RAD51AP2: variants seen among roughly 807,000 people sequenced by gnomAD.
RAD51AP2 encodes the protein RAD51-associated protein 2.
In RAD51AP2, 67 loss-of-function variants were observed where a neutral mutation model predicts 85.5. The observed-to-expected ratio is 0.78, with a 90% confidence interval of 0.64 to 0.96. The LOEUF (loss-of-function observed/expected upper bound fraction) is 0.96. Ranked by LOEUF, RAD51AP2 falls within the 40% of genes least tolerant of loss-of-function variation. The probability of loss-of-function intolerance (pLI) is 0.00; values close to 1 mark genes in which losing one functional copy is unlikely to be tolerated. For missense variants in RAD51AP2, 1,307 were observed against 1,332.4 expected, an observed-to-expected ratio of 0.98 and a Z score of 0.30; for synonymous variants, 474 against 446.5, an observed-to-expected ratio of 1.06 and a Z score of -0.78.
rs759608648 is a variant in RAD51AP2, at chr2:17,516,361, A to T, written c.2055T>A (p.Tyr685Ter). 8 of 1,611,862 alleles carry T rather than the reference A, an allele frequency of 5.0e-6. No homozygotes were observed. The highest frequency in any genetic ancestry group is 6.8e-6 in the Non-Finnish European group (8 of 1,179,258). The change falls in exon 1 of 3, where the codon TAT becomes TAA. Residue 685 changes from tyrosine (Y) to a stop codon, truncating the protein, a stop_gained. Coordinates refer to ENST00000399080, the MANE Select transcript of RAD51AP2 (RefSeq NM_001099218.3). LOFTEE classifies it high-confidence loss of function. ...AGTCCATTAAAAGGGGAATTTTTTC[A>T]TATGTTTCAAAAATCGGAAAACCTG... ...QNTGFPIFET[Y>*]EKIPLLMDFD...
rs1157539566 is a variant in RAD51AP2, at chr2:17,515,892, C to G, written c.2524G>C (p.Glu842Gln). ...ACTTGGCAACTATTTGTTAAACTTT[C>G]AGCTGTGACTTTTACTTCCTCTTTC... is the stretch of plus-strand genomic sequence containing the variant. ...ILKEEVKVTA[E>Q]SLTNSCQVHK... Residue 842 changes from glutamate to glutamine, a missense_variant, in exon 1 of 3, where the codon GAA becomes CAA. Coordinates refer to ENST00000399080, the MANE Select transcript of RAD51AP2 (RefSeq NM_001099218.3). 6.2e-7 allele frequency: 1 copy of G among 1,605,328 alleles called. No individual in the cohort carries two copies. The highest frequency in any genetic ancestry group is 2.2e-5 in the East Asian group (1 of 44,826).
the RAD51AP2 span, among the ~76,000 whole-genome samples, chr2:17,529,157 TCTTATATATTAAGAAATATA>T: frequency 6.6e-6 from 1 of 151,852 alleles, no homozygotes; most frequent in Non-Finnish European, 1.5e-5. Context: ...TTATAAAATA[TCTTATATATTAAGAAATATA>T]ATCACTTGTT....
the RAD51AP2 span, among the ~76,000 whole-genome samples, chr2:17,532,325 T>C: frequency 6.6e-6 from 1 of 152,310 alleles, no homozygotes; most frequent in South Asian, 2.1e-4. Flanking sequence ...ATGCCACTTC[T>C]AGCTTCTTGT....
In RAD51AP2 at chr2:17,514,058, A is replaced by C; in HGVS notation, c.3282T>G (p.Phe1094Leu). The change falls in exon 2 of 3, where the codon TTT becomes TTG. Residue 1094 changes from phenylalanine (F) to leucine (L), a missense_variant. Physicochemically the swap from Phe to Leu is conservative, Grantham distance 22. Coordinates refer to ENST00000399080, the MANE Select transcript of RAD51AP2 (RefSeq NM_001099218.3). Reference sequence around the variant, plus strand: ...ATTCTTCTTTACATTCATCAGGGAGAAAAGCAGGTCTTTTAGGTAAAGGTG... The same window carrying C: ...ATTCTTCTTTACATTCATCAGGGAGCAAAGCAGGTCTTTTAGGTAAAGGTG... ...CETPLPKRPA[F>L]LPDECKEEFN... 1.3e-6 allele frequency: 2 copies of C among 1,589,152 alleles called. No homozygotes were observed. Among genetic ancestry groups the C allele is most frequent in the Non-Finnish European group, 1.7e-6 (2 of 1,158,876 alleles).
upstream of RAD51AP2, among the ~76,000 whole-genome samples, chr2:17,522,929 T>C (rs1662887766): frequency 6.6e-6 from 1 of 152,006 alleles, no homozygotes; most frequent in Non-Finnish European, 1.5e-5. Context: ...AAAAATACAT[T>C]TAACATGAAA....
chr2:17,517,591 T>C lies in RAD51AP2; in HGVS notation c.825A>G (p.Leu275=). 1 of 1,613,950 alleles carries C rather than the reference T, an allele frequency of 6.2e-7. No homozygotes were observed. ...DLNSKMSSVY[L]KEIAKKKNDK... is the part of the protein sequence containing the mutation. ...CATTCTTTTTCTTCGCTATTTCCTTTAAATAGACAGAGGACATTTTGCTAT... is the reference window on the plus strand; with the variant it reads ...CATTCTTTTTCTTCGCTATTTCCTTCAAATAGACAGAGGACATTTTGCTAT... The change falls in exon 1 of 3, where the codon TTA becomes TTG. Residue 275 remains leucine (L), a synonymous_variant. Coordinates refer to ENST00000399080, the MANE Select transcript of RAD51AP2 (RefSeq NM_001099218.3).
At chr2:17,522,300 A>C (rs1299315511), upstream of RAD51AP2, among the ~76,000 whole-genome samples, 1 of 152,042 alleles carries the variant, frequency 6.6e-6, no homozygotes, top group Non-Finnish European at 1.5e-5. Flanking sequence ...CCTTAAATGT[A>C]TAAAGCCCTT....
At chr2:17,511,856 T>A (rs62130395) in intron 2 of RAD51AP2, among the ~76,000 whole-genome samples, 3,684 of 152,128 alleles carry the variant, frequency 0.024, 45 homozygotes, top group Middle Eastern at 0.054. Context: ...ACAAAATAGA[T>A]AAAATCAGTT....
the RAD51AP2 span, among the ~76,000 whole-genome samples, chr2:17,527,514 G>A: frequency 6.6e-6 from 1 of 152,154 alleles, no homozygotes; most frequent in African/African-American, 2.4e-5. Context: ...AGGAGAAATT[G>A]GTCTAGTTTA....
chr2:17,518,956 G>C (rs988332207), upstream of RAD51AP2, among the ~76,000 whole-genome samples: 1 of 152,024 alleles, frequency 6.6e-6, no homozygotes, highest in Non-Finnish European at 1.5e-5. Context: ...AATCCTTCCA[G>C]CGTCACTTAA....
rs1662760711 is a variant in RAD51AP2 at position 17,518,348 on chromosome 2, G to T, written c.68C>A (p.Pro23His). The change falls in exon 1 of 3, where the codon CCT becomes CAT. Residue 23 changes from proline to histidine, a missense_variant. Physicochemically the swap from Pro to His is moderately conservative, Grantham distance 77. Around this residue, in one of 3 missense-constraint regions of RAD51AP2, gnomAD observed 635 missense variants for 643.6 expected, o/e 0.99. Transcript: ENST00000399080. ...LRKPTSSLTP[P>H]EDPDSQPPSS... is the part of the protein sequence containing the mutation. ...AGGTGGTTGGGAATCCGGGTCCTCA[G>T]GAGGCGTTAAAGAGGAGGTAGGCTT... 9 of 1,613,928 alleles carry T rather than the reference G, an allele frequency of 5.6e-6. No individual in the cohort carries two copies. The East Asian group carries it at 2.0e-4, about 36-fold the overall frequency.
chr2:17,517,552 T>A lies in RAD51AP2; in HGVS notation c.864A>T (p.Ala288=). 6.2e-7 allele frequency: 1 copy of A among 1,613,756 alleles called. No individual in the cohort carries two copies. The highest frequency in any genetic ancestry group is 8.5e-7 in the Non-Finnish European group (1 of 1,179,926). Residue 288 remains alanine (A), a synonymous_variant, in exon 1 of 3, where the codon GCA becomes GCT. Coordinates refer to ENST00000399080, the MANE Select transcript of RAD51AP2 (RefSeq NM_001099218.3). ...AAATGTTTGTGAAATCCCTAACATA[T>A]GCCTCTTTTTTGTCATTCTTTTTCT... The part of the protein sequence containing the change: ...IAKKKNDKKE[A]YVRDFTNIYW...
chr2:17,532,269 A>G, the RAD51AP2 span, among the ~76,000 whole-genome samples: 1 of 152,110 alleles, frequency 6.6e-6, no homozygotes, highest in Non-Finnish European at 1.5e-5. Flanking sequence ...AAATCAAAGT[A>G]TCATCAGGAG....
the RAD51AP2 span, among the ~76,000 whole-genome samples, chr2:17,532,605 T>G: frequency 6.6e-6 from 1 of 152,180 alleles, no homozygotes; most frequent in Admixed American, 6.5e-5. Context: ...AACCTGTTTC[T>G]TTAGACCCTT....
the RAD51AP2 span, among the ~76,000 whole-genome samples, chr2:17,537,423 C>G: frequency 2.6e-5 from 4 of 152,184 alleles, no homozygotes; most frequent in African/African-American, 9.7e-5. Context: ...TAAAGGTATG[C>G]TATCCATAGA....
upstream of RAD51AP2, among the ~76,000 whole-genome samples, chr2:17,523,097 C>T (rs1662891640): frequency 6.6e-6 from 1 of 151,798 alleles, no homozygotes; most frequent in African/African-American, 2.4e-5. Context: ...GACACAGCTT[C>T]CCATAAATGG....
Position 17,516,377 on chromosome 2 carries a change from G to T in RAD51AP2, c.2039C>A (p.Pro680Gln), listed in dbSNP as rs187028078. 2 of 1,611,400 alleles carry T rather than the reference G, an allele frequency of 1.2e-6. No homozygotes were observed. The highest frequency in any genetic ancestry group is 1.7e-6 in the Non-Finnish European group (2 of 1,179,094). Reference protein sequence around the residue: ...FSMTTQNTGFPIFETYEKIPL... With the variant: ...FSMTTQNTGFQIFETYEKIPL... ...AATTTTTTCATATGTTTCAAAAATC[G>T]GAAAACCTGTATTTTGAGTTGTCAT... The change falls in exon 1 of 3, where the codon CCG (proline) becomes CAG (glutamine). Residue 680 changes from proline (P) to glutamine (Q), a missense_variant. Around this residue, in one of 3 missense-constraint regions of RAD51AP2, gnomAD observed 668 missense variants for 671.0 expected, o/e 1.00. Coordinates refer to ENST00000399080, the MANE Select transcript of RAD51AP2 (RefSeq NM_001099218.3).
chr2:17,536,496 A>G, the RAD51AP2 span, among the ~76,000 whole-genome samples: 2 of 152,188 alleles, frequency 1.3e-5, no homozygotes, highest in Non-Finnish European at 2.9e-5. Context: ...GAGAAAATGG[A>G]ATAAAGTATT....
At chr2:17,532,079 CTCTT>C in the RAD51AP2 span, among the ~76,000 whole-genome samples, 2 of 152,056 alleles carry the variant, frequency 1.3e-5, no homozygotes, top group South Asian at 4.1e-4. Context: ...GAAAAGAAAA[CTCTT>C]TCTATTATCG....
Sources: gnomAD v4.1 joint callset for allele counts (sites outside exome capture counted in the v4.1 genomes callset) on GRCh38, gnomAD v4.1.1 for gene constraint, gnomAD v4.1.1 regional missense constraint, MANE v1.5 for transcripts, NCBI Gene and HGNC (gene_info 2026-07-23, HGNC 2026-07-21) for gene names.